The following SLC12A2 variants were observed in gnomAD, a reference collection of about 807,000 sequenced individuals.
SLC12A2 encodes solute carrier family 12 member 2.
SLC12A2 carries 67 observed loss-of-function variants against 136.3 expected under a neutral mutation model. That is an observed-to-expected ratio of 0.49 (90% CI 0.40 to 0.60). The LOEUF (loss-of-function observed/expected upper bound fraction) is 0.60, where lower values mean the gene tolerates loss of function less well. Among genes scored for constraint, SLC12A2 ranks in the 20% least tolerant of loss-of-function variants. SLC12A2 has a pLI of 0.00. For missense variants in SLC12A2, 1,322 were observed against 1,534.7 expected (o/e 0.86, Z 2.32); for synonymous variants, 619 against 562.9 (o/e 1.10, Z -1.41).
At chr5:128,151,843 G>C (rs3828656) in intron 14 of SLC12A2, among the ~76,000 whole-genome samples, 25,378 of 152,082 alleles carry the variant, frequency 0.17, 3,006 homozygotes, top group African/African-American at 0.34. Context: ...CAAAATACTA[G>C]AAGACATAGT....
intron 2 of SLC12A2, 69 bp downstream of exon 2, chr5:128,113,002 T>A: frequency 7.4e-7 from 1 of 1,355,162 alleles, no homozygotes; most frequent in Non-Finnish European, 9.9e-7. Flanking sequence ...CCTAACGTTC[T>A]CATCAGTTCT....
At chr5:128,096,207 G>A (rs1013239501) in intron 1 of SLC12A2, among the ~76,000 whole-genome samples, 3 of 151,970 alleles carry the variant, frequency 2.0e-5, no homozygotes, top group African/African-American at 7.2e-5. Flanking sequence ...GCAGACACTG[G>A]ATATTAGGAA....
At chr5:128,143,726 TG>T (rs1367558796) in intron 10 of SLC12A2, among the ~76,000 whole-genome samples, 1 of 151,928 alleles carries the variant, frequency 6.6e-6, no homozygotes, top group Non-Finnish European at 1.5e-5. Context: ...ATGGTTCTGC[TG>T]ATTTCAAAAG....
intron 18 of SLC12A2, 168 bp downstream of exon 18, chr5:128,168,035 A>AT: frequency 2.0e-6 from 1 of 510,412 alleles, no homozygotes; most frequent in Non-Finnish European, 3.4e-6. Flanking sequence ...TCTATTAACA[A>AT]TTTTTTATTG....
chr5:128,182,185 T>G (rs1010047119), intron 23 of SLC12A2, among the ~76,000 whole-genome samples: 3 of 152,140 alleles, frequency 2.0e-5, no homozygotes, highest in African/African-American at 7.2e-5. Context: ...GCAGATCTGT[T>G]TTCTCATATC....
At chr5:128,170,654 CG>C (rs1325080694) in intron 18 of SLC12A2, 1 of 151,998 alleles carries the variant, frequency 6.6e-6, no homozygotes, top group Non-Finnish European at 1.5e-5. Flanking sequence ...AACAACGTGA[CG>C]TTTTGGAATT....
chr5:128,102,596 CTTTTTTTTTTTTTTTTT>C (rs70997362), intron 1 of SLC12A2, among the ~76,000 whole-genome samples: 14 of 40,464 alleles, frequency 3.5e-4, no homozygotes, highest in African/African-American at 6.1e-4. Flanking sequence ...CCCCCCCCGC[CTTTTTTTTTTTTTTTTT>C]TTTTTTTTTT....
intron 1 of SLC12A2, among the ~76,000 whole-genome samples, chr5:128,093,455 T>C (rs1760412466): frequency 1.3e-5 from 2 of 152,200 alleles, no homozygotes. Flanking sequence ...ATTTTTGTTT[T>C]ATGTCTCAAA....
chr5:128,084,475 G>A lies in SLC12A2; in HGVS notation c.521G>A (p.Gly174Asp). 1 of 1,608,690 alleles carries A rather than the reference G, an allele frequency of 6.2e-7. No individual in the cohort carries two copies. The highest frequency in any genetic ancestry group is 8.5e-7 in the Non-Finnish European group (1 of 1,178,736). Residue 174 changes from glycine to aspartate, a missense_variant, in exon 1 of 27, where the codon GGC (glycine) becomes GAC (aspartate). Coordinates refer to ENST00000262461, the MANE Select transcript of SLC12A2 (RefSeq NM_001046.3). This position sits in a 1 kb window ranked among gnomAD's most constrained non-coding sequence, Gnocchi z 5.6. Reference protein sequence around the residue: ...VDGPNVSFQNGGDTVLSEGSS... With the variant: ...VDGPNVSFQNDGDTVLSEGSS... ...GGGCCCAACGTGAGCTTCCAGAACG[G>A]CGGGGACACGGTGCTGAGCGAGGGC...
rs1759933473 is a variant in SLC12A2 at position 128,084,047 on chromosome 5, G to C, written c.93G>C (p.Arg31Ser). 4 of 1,295,256 alleles carry C rather than the reference G, an allele frequency of 3.1e-6. No individual in the cohort carries two copies. The highest frequency in any genetic ancestry group is 2.9e-6 in the Non-Finnish European group (3 of 1,025,254). 80.2% of individuals were successfully genotyped at this position (1,295,256 alleles called of 1,614,324 possible). A position where few individuals can be genotyped will look rare whatever the true frequency, so the allele number is the denominator to read the frequency against. The change falls in exon 1 of 27, where the codon AGG becomes AGC. Residue 31 changes from arginine (R) to serine (S), a missense_variant. By Grantham distance (110) the Arg-to-Ser change is moderately radical (BLOSUM62 -1). Transcript: ENST00000262461. This position sits in a 1 kb window ranked among gnomAD's most constrained non-coding sequence, Gnocchi z 5.6. The part of the protein sequence containing the change: ...TPSAAALAAA[R>S]VELPGTAVPS... ...CAGCCGCTGCGCTGGCCGCAGCCAG[G>C]GTGGAACTGCCCGGCACGGCTGTGC...
At chr5:128,100,822 G>A (rs538088586) in intron 1 of SLC12A2, among the ~76,000 whole-genome samples, 6 of 152,192 alleles carry the variant, frequency 3.9e-5, no homozygotes, top group South Asian at 4.1e-4. Flanking sequence ...TCTGGTACTC[G>A]AATTAAAATA....
chr5:128,181,107 T>C, intron 23 of SLC12A2, 113 bp downstream of exon 23: 1 of 740,302 alleles, frequency 1.4e-6, no homozygotes, highest in African/African-American at 1.8e-5. Flanking sequence ...TCTTGCTTTG[T>C]TCTTTACTGA....
At chr5:128,185,642 C>A (rs1763843434) in intron 26 of SLC12A2, among the ~76,000 whole-genome samples, 1 of 152,100 alleles carries the variant, frequency 6.6e-6, no homozygotes, top group South Asian at 2.1e-4. Flanking sequence ...CTGCCACCAT[C>A]CATAAATAGA....
intron 10 of SLC12A2, among the ~76,000 whole-genome samples, chr5:128,146,501 A>C (rs1288645457): frequency 6.7e-6 from 1 of 150,326 alleles, no homozygotes; most frequent in East Asian, 1.9e-4. Flanking sequence ...AATTCACCTG[A>C]ATTCATGATC....
intron 11 of SLC12A2, 74 bp from the exon 12 acceptor site, chr5:128,148,680 T>A (rs1268061885): frequency 1.6e-6 from 2 of 1,240,960 alleles, no homozygotes; most frequent in Non-Finnish European, 1.1e-6. Context: ...CATTCCTGAT[T>A]AACCTATTAG....
At chr5:128,085,539 C>T (rs1760070012) in intron 1 of SLC12A2, among the ~76,000 whole-genome samples, 1 of 152,204 alleles carries the variant, frequency 6.6e-6, no homozygotes, top group South Asian at 2.1e-4. Context: ...CTTATTTCTT[C>T]AGCGTTCAAT....
intron 9 of SLC12A2, among the ~76,000 whole-genome samples, chr5:128,140,433 G>C (rs1301038231): frequency 2.0e-5 from 3 of 152,126 alleles, no homozygotes; most frequent in Admixed American, 6.5e-5. Flanking sequence ...AAAGTTCCTA[G>C]CATGCTTCTA....
At chr5:128,156,782 C>T (rs1457058034) in intron 15 of SLC12A2, among the ~76,000 whole-genome samples, 1 of 152,140 alleles carries the variant, frequency 6.6e-6, no homozygotes, top group African/African-American at 2.4e-5. Context: ...TCAAAGTCAT[C>T]ACTGCATCCA....
intron 24 of SLC12A2, among the ~76,000 whole-genome samples, chr5:128,183,337 A>G (rs1178785058): frequency 6.6e-6 from 1 of 152,074 alleles, no homozygotes; most frequent in Non-Finnish European, 1.5e-5. Flanking sequence ...AGACTTTGGA[A>G]TATTCCACCT....
Sources: gnomAD v4.1 joint callset for allele counts (sites outside exome capture counted in the v4.1 genomes callset) on GRCh38, gnomAD v4.1.1 for gene constraint, Gnocchi (gnomAD v3.1) non-coding constraint, MANE v1.5 for transcripts, NCBI Gene and HGNC (gene_info 2026-07-23, HGNC 2026-07-21) for gene names.